C7: variants seen among roughly 807,000 people sequenced by gnomAD.
C7 encodes the protein complement component C7.
A neutral mutation model predicts 104.8 loss-of-function variants in C7; 83 were observed. The observed-to-expected ratio is 0.79, with a 90% CI of 0.66 to 0.95. C7 has a LOEUF of 0.95. Among genes scored for constraint, C7 ranks in the 40% least tolerant of loss-of-function variants. The pLI is 0.00. For synonymous variants in C7, 415 were observed against 360.6 expected (o/e 1.15, Z -1.71); for missense variants, 1,070 against 1,011.2 (o/e 1.06, Z -0.79).
At chr5:40,976,249 G>A (rs1740817163) in intron 15 of C7, among the ~76,000 whole-genome samples, 1 of 152,196 alleles carries the variant, frequency 6.6e-6, no homozygotes, top group South Asian at 2.1e-4. Flanking sequence ...TGATGTTGCT[G>A]CTTTTTGCCT....
At chr5:40,931,192 C>T in intron 3 of C7, 53 bp downstream of exon 3, 2 of 1,342,906 alleles carry the variant, frequency 1.5e-6, no homozygotes, top group South Asian at 1.2e-5. Context: ...AATACTTTGG[C>T]ATGGCCAAAA....
Position 40,918,819 on chromosome 5 carries a change from G to C in C7, c.6+9203G>C, listed in dbSNP as rs117612243. 1.3e-3 allele frequency among the ~76,000 whole-genome samples: 192 copies of C among 152,142 alleles called. 3 individuals carry two copies. The East Asian group carries it at 0.03, about 24-fold the overall frequency. On this transcript the variant is annotated intron_variant, in intron 1 of 17. Coordinates refer to ENST00000313164, the MANE Select transcript of C7 (RefSeq NM_000587.4). ...TAAAATAAATATTAAGGATATGATG[G>C]AAGAGACAGATTGCAATACAATTAT...
chr5:40,955,332 G>GT (rs1346980999), intron 9 of C7, 55 bp from the exon 10 acceptor site: 55 of 1,530,640 alleles, frequency 3.6e-5, no homozygotes, highest in African/African-American at 5.6e-5. Context: ...CAATTTGATA[G>GT]TTTTTTTAAA....
At chr5:40,975,135 G>C (rs948001088) in intron 15 of C7, among the ~76,000 whole-genome samples, 1 of 152,118 alleles carries the variant, frequency 6.6e-6, no homozygotes, top group Admixed American at 6.5e-5. Context: ...TTTCAGCAAA[G>C]TCACAGATAT....
chr5:40,917,993 A>C (rs1345864290), intron 1 of C7, among the ~76,000 whole-genome samples: 1 of 152,228 alleles, frequency 6.6e-6, no homozygotes, highest in Non-Finnish European at 1.5e-5. Flanking sequence ...ATCACCTTGA[A>C]ATAAGCTGTT....
chr5:40,939,567 T>C (rs1263964527), intron 6 of C7, among the ~76,000 whole-genome samples: 2 of 152,184 alleles, frequency 1.3e-5, no homozygotes, highest in Non-Finnish European at 2.9e-5. Context: ...TTCAACGTGG[T>C]GAATAACATG....
chr5:40,963,084 G>A (rs1740456731), intron 13 of C7, among the ~76,000 whole-genome samples: 1 of 152,128 alleles, frequency 6.6e-6, no homozygotes, highest in Non-Finnish European at 1.5e-5. Flanking sequence ...TGGAACATAT[G>A]CTCAGAGAAT....
At chr5:40,970,749 C>T (rs190796643) in intron 14 of C7, among the ~76,000 whole-genome samples, 227 of 152,172 alleles carry the variant, frequency 1.5e-3, no homozygotes, top group Admixed American at 3.3e-3. Flanking sequence ...CTAATGCTTT[C>T]CCTCCCCTTG....
At chr5:40,942,180 T>C (rs1739954330) in intron 6 of C7, among the ~76,000 whole-genome samples, 1 of 152,148 alleles carries the variant, frequency 6.6e-6, no homozygotes, top group South Asian at 2.1e-4. Flanking sequence ...TAATTAATTA[T>C]AGTCAACTCA....
chr5:40,912,537 C>A (rs749169913), intron 1 of C7, among the ~76,000 whole-genome samples: 1 of 146,206 alleles, frequency 6.8e-6, no homozygotes, highest in East Asian at 1.9e-4. Flanking sequence ...CGCCACCATG[C>A]CTGGCTAATT....
chr5:40,910,375 A>C (rs768594917), intron 1 of C7, among the ~76,000 whole-genome samples: 1 of 152,212 alleles, frequency 6.6e-6, no homozygotes, highest in Non-Finnish European at 1.5e-5. Context: ...GTAAGACTGT[A>C]GGAATAATTT....
At chr5:40,920,029 C>T (rs921947819) in intron 1 of C7, among the ~76,000 whole-genome samples, 5 of 151,522 alleles carry the variant, frequency 3.3e-5, no homozygotes, top group African/African-American at 1.2e-4. Flanking sequence ...AAAAACAATA[C>T]AAAAGATAGA....
intron 13 of C7, among the ~76,000 whole-genome samples, chr5:40,963,223 C>G (rs766417190): frequency 6.6e-6 from 1 of 152,168 alleles, no homozygotes; most frequent in Admixed American, 6.5e-5. Context: ...CCGAATGACT[C>G]AGGGAACTTA....
intron 15 of C7, among the ~76,000 whole-genome samples, chr5:40,975,102 T>A (rs1270523050): frequency 6.6e-6 from 1 of 152,166 alleles, no homozygotes; most frequent in Non-Finnish European, 1.5e-5. Context: ...TTTTAAAAAA[T>A]TTCATTTTGG....
chr5:40,953,669 T>C (rs1168685728), intron 9 of C7, among the ~76,000 whole-genome samples: 3 of 145,572 alleles, frequency 2.1e-5, no homozygotes, highest in African/African-American at 7.5e-5. Context: ...GAATAAATTC[T>C]AGTGTTTGAT....
chr5:40,915,286 T>A (rs1739295998), intron 1 of C7, among the ~76,000 whole-genome samples: 1 of 152,156 alleles, frequency 6.6e-6, no homozygotes, highest in Admixed American at 6.6e-5. Flanking sequence ...GTTGCTCTGA[T>A]TTTGGAGAGG....
chr5:40,965,325 T>G (rs1340505595), intron 14 of C7, among the ~76,000 whole-genome samples: 1 of 152,134 alleles, frequency 6.6e-6, no homozygotes, highest in Non-Finnish European at 1.5e-5. Flanking sequence ...GTTCAGCAAA[T>G]GAATAGGCCG....
At chr5:40,977,988 G>T (rs1733619309) in intron 16 of C7, among the ~76,000 whole-genome samples, 1 of 151,936 alleles carries the variant, frequency 6.6e-6, no homozygotes, top group South Asian at 2.1e-4. Flanking sequence ...ACAAAAATTA[G>T]CTGGGTGTGG....
chr5:40,975,151 C>T (rs1383712827), intron 15 of C7, among the ~76,000 whole-genome samples: 19 of 152,140 alleles, frequency 1.2e-4, no homozygotes, highest in Admixed American at 4.6e-4. Context: ...GATATAATTT[C>T]TACACACCCT....
Sources: gnomAD v4.1 joint callset for allele counts (sites outside exome capture counted in the v4.1 genomes callset) on GRCh38, gnomAD v4.1.1 for gene constraint, MANE v1.5 for transcripts, NCBI Gene and HGNC (gene_info 2026-07-23, HGNC 2026-07-21) for gene names.